The following MFGE8 variants were observed in gnomAD, a reference collection of about 807,000 sequenced individuals.
MFGE8 encodes lactadherin.
A neutral mutation model predicts 42.6 loss-of-function variants in MFGE8; 34 were observed. The ratio of observed to expected loss-of-function variants is 0.80; its 90% CI spans 0.61 to 1.06. MFGE8 has a LOEUF of 1.06. Ranked by LOEUF, MFGE8 falls within the 50% of genes least tolerant of loss-of-function variation. The pLI, the probability that MFGE8 is intolerant of heterozygous loss-of-function variation, is 0.00. For synonymous variants in MFGE8, 230 were observed against 214.8 expected, an observed-to-expected ratio of 1.07 and a Z score of -0.62; for missense variants, 510 against 516.9, an observed-to-expected ratio of 0.99 and a Z score of 0.13.
chr15:88,913,146 C>T (rs1487112680), intron 1 of MFGE8, 101 bp downstream of exon 1: 1 of 1,430,524 alleles, frequency 7.0e-7, no homozygotes, highest in Non-Finnish European at 9.1e-7. Context: ...GGGGCTTTGT[C>T]TAAGTTTGTC....
At position 88,906,723 on chromosome 15, in the gene MFGE8, C is replaced by A. The variant is rs371227978; in HGVS notation, c.443G>T (p.Arg148Leu). 7 of 1,613,764 alleles carry A rather than the reference C, an allele frequency of 4.3e-6. No individual in the cohort carries two copies. The East Asian group carries it at 1.3e-4, about 31-fold the overall frequency. ...VTGVVTQGAS[R>L]LASHEYLKAF... ...CTTCAGGTACTCATGACTGGCCAAG[C>A]GGCTGGCACCCTGCGTCACCACACC... is the stretch of plus-strand genomic sequence containing the variant. Residue 148 changes from arginine (R) to leucine (L), a missense_variant, in exon 4 of 8, where the codon CGC (arginine) becomes CTC (leucine). Transcript: ENST00000268150. This position sits in a 1 kb window ranked among gnomAD's most constrained non-coding sequence, Gnocchi z 4.2.
At chr15:88,901,802 G>A (rs1047457893) in intron 5 of MFGE8, 67 bp from the exon 6 acceptor site, 16 of 1,491,086 alleles carry the variant, frequency 1.1e-5, no homozygotes, top group African/African-American at 2.8e-5. Flanking sequence ...AGCACAAGGC[G>A]ATGAAGCAGA....
rs573947095 is a variant in MFGE8, at chr15:88,903,396, T to C, written c.686-1661A>G. The C allele has an allele frequency of 2.4e-4, 35 of 147,978 alleles. No homozygotes were observed. The highest frequency in any genetic ancestry group is 8.7e-4 in the African/African-American group (34 of 39,122). The allele number at this position is 147,978 out of a possible 1,614,324, so 9.2% of individuals were successfully genotyped here. The stretch of plus-strand genomic sequence containing the variant: ...ATACTAGGGGAGTAATTCTCACAGA[T>C]CACCTGGGGATCTTGATATAAAAAA... On this transcript the variant is annotated intron_variant, in intron 5 of 7. Coordinates refer to ENST00000268150, the MANE Select transcript of MFGE8 (RefSeq NM_005928.4). This position sits in a 1 kb window ranked among gnomAD's most constrained non-coding sequence, Gnocchi z 4.9.
intron 2 of MFGE8, among the ~76,000 whole-genome samples, chr15:88,908,250 T>C (rs1898791838): frequency 6.6e-6 from 1 of 152,164 alleles, no homozygotes; most frequent in South Asian, 2.1e-4. Flanking sequence ...CAGACAGATC[T>C]AGTCTTCCTC....
In MFGE8 at chr15:88,901,720, AG is replaced by A; in HGVS notation, c.700del (p.Leu234TrpfsTer3). ...GCELNGCANP[L>X]GLKNNSIPDK... ...AGGGATGCTGTTATTCTTCAGGCCCAGGGGATTGGCGCATCCTGCCAGCAAG... is the reference window on the plus strand; with the variant it reads ...AGGGATGCTGTTATTCTTCAGGCCCAGGGATTGGCGCATCCTGCCAGCAAG... On this transcript the variant is annotated frameshift_variant, in exon 6 of 8. Coordinates refer to ENST00000268150, the MANE Select transcript of MFGE8 (RefSeq NM_005928.4). LOFTEE classifies it high-confidence loss of function. 1 of 1,613,912 alleles carries A rather than the reference AG, an allele frequency of 6.2e-7. No individual in the cohort carries two copies. The highest frequency in any genetic ancestry group is 8.5e-7 in the Non-Finnish European group (1 of 1,179,964).
intron 1 of MFGE8, 120 bp from the exon 2 acceptor site, chr15:88,910,043 T>C: frequency 8.0e-7 from 1 of 1,246,626 alleles, no homozygotes. Context: ...CATTATCTCT[T>C]CCTCTCCCTC....
Position 88,903,007 on chromosome 15 carries a change from C to G in MFGE8, c.686-1272G>C, listed in dbSNP as rs1898503987. The G allele has an allele frequency of 6.6e-6, 1 of 152,212 alleles. No homozygotes were observed. Among genetic ancestry groups the G allele is most frequent in the Non-Finnish European group, 1.5e-5 (1 of 68,056 alleles). 9.4% of individuals were successfully genotyped at this position (152,212 alleles called of 1,614,324 possible). ...GTGTTGACAATGCCTGCTGATGGTA[C>G]CATCATCTCCTGATGGTGATGCACC... On this transcript the variant is annotated intron_variant, in intron 5 of 7. Transcript: ENST00000268150. This position sits in a 1 kb window ranked among gnomAD's most constrained non-coding sequence, Gnocchi z 4.9.
Position 88,899,595 on chromosome 15 carries a change from C to A in MFGE8, c.1026+61G>T. On this transcript the variant is annotated intron_variant, in intron 7 of 7. Transcript: ENST00000268150. This position sits in a 1 kb window ranked among gnomAD's most constrained non-coding sequence, Gnocchi z 6.8. ...GCCCCCCTCCCCTCAGAGCCCCAGG[C>A]CAGACTCCCAGGGAAGTAATGAAGG... The A allele has an allele frequency of 6.2e-7, 1 of 1,614,140 alleles. No homozygotes were observed. The highest frequency in any genetic ancestry group is 1.1e-5 in the South Asian group (1 of 91,080).
rs754854442 is a variant in MFGE8, at chr15:88,909,925, T to A, written c.74-2A>T. 3.1e-6 allele frequency: 5 copies of A among 1,613,972 alleles called. No individual in the cohort carries two copies. The East Asian group carries it at 8.9e-5, about 29-fold the overall frequency. ...GGCAGGGGTTTTTGGAACAGATATC[T>A]GGGGACAGAGACAGGTAAGATGAGC... On this transcript the variant is annotated splice_acceptor_variant, in intron 1 of 7. Coordinates refer to ENST00000268150, the MANE Select transcript of MFGE8 (RefSeq NM_005928.4). LOFTEE classifies it high-confidence loss of function.
chr15:88,906,052 C>A lies in MFGE8; in HGVS notation c.541-151G>T. 1.1e-6 allele frequency: 1 copy of A among 878,056 alleles called. No individual in the cohort carries two copies. Among genetic ancestry groups the A allele is most frequent in the Non-Finnish European group, 1.8e-6 (1 of 549,154 alleles). The allele number at this position is 878,056 out of a possible 1,614,324, so 54.4% of individuals were successfully genotyped here. ...GAAGAGCCAGCAGAGGCTCACACAGCAGCCTCTCCTTTGGCCACCCCACGG... is the reference window on the plus strand; with the variant it reads ...GAAGAGCCAGCAGAGGCTCACACAGAAGCCTCTCCTTTGGCCACCCCACGG... On this transcript the variant is annotated intron_variant, in intron 4 of 7. Transcript: ENST00000268150. The surrounding 1 kb of genome is among the most constrained non-coding windows in gnomAD (Gnocchi z 4.2).
chr15:88,909,553 C>T (rs9783684), intron 2 of MFGE8, among the ~76,000 whole-genome samples: 4,987 of 152,284 alleles, frequency 0.033, 294 homozygotes, highest in African/African-American at 0.11. Flanking sequence ...CAGGCCTGGC[C>T]GGCAGTCTCA....
chr15:88,902,147 GCCT>G lies in MFGE8; in HGVS notation c.686-415_686-413del. ...TCACAGCACTGCCCCCATCGCCTCG[GCCT>G]CCCATCCGTCCCATGGCACAGTCAC... On this transcript the variant is annotated intron_variant, in intron 5 of 7. Coordinates refer to ENST00000268150, the MANE Select transcript of MFGE8 (RefSeq NM_005928.4). This position sits in a 1 kb window ranked among gnomAD's most constrained non-coding sequence, Gnocchi z 4.3. 2 of 235,864 alleles carry G rather than the reference GCCT, an allele frequency of 8.5e-6. No individual in the cohort carries two copies. Among genetic ancestry groups the G allele is most frequent in the Non-Finnish European group, 1.7e-5 (2 of 117,156 alleles). The allele number at this position is 235,864 out of a possible 1,614,324, so 14.6% of individuals were successfully genotyped here. A position where few individuals can be genotyped will look rare whatever the true frequency, so the allele number is the denominator to read the frequency against.
At chr15:88,901,484 C>G (rs1898426632) in intron 6 of MFGE8, 67 bp downstream of exon 6, 1 of 1,515,358 alleles carries the variant, frequency 6.6e-7, no homozygotes, top group Non-Finnish European at 9.1e-7. Flanking sequence ...GGAGAGAGGT[C>G]AAAGATCTGG....
rs766476352 is a variant in MFGE8 at position 88,899,705 on chromosome 15, T to A, written c.977A>T (p.Asp326Val). 6.2e-7 allele frequency: 1 copy of A among 1,614,032 alleles called. No individual in the cohort carries two copies. Among genetic ancestry groups the A allele is most frequent in the South Asian group, 1.1e-5 (1 of 91,088 alleles). The change falls in exon 7 of 8, where the codon GAC becomes GTC. Residue 326 changes from aspartate (D) to valine (V), a missense_variant. Coordinates refer to ENST00000268150, the MANE Select transcript of MFGE8 (RefSeq NM_005928.4). The surrounding 1 kb of genome is among the most constrained non-coding windows in gnomAD (Gnocchi z 6.8). ...VASYKVAYSN[D>V]SANWTEYQDP... ...CTGGTACTCAGTCCAGTTCGCACTG[T>A]CATTACTGTAGGCAACCTTGTAGGA...
At chr15:88,908,125 T>C (rs1898786332) in intron 2 of MFGE8, among the ~76,000 whole-genome samples, 1 of 152,144 alleles carries the variant, frequency 6.6e-6, no homozygotes, top group South Asian at 2.1e-4. Flanking sequence ...TCCAGCAGTG[T>C]GGTCCCAGGA....
rs1898724280 is a variant in MFGE8, at chr15:88,907,184, C to T, written c.387+11G>A. 1.9e-6 allele frequency: 3 copies of T among 1,610,958 alleles called. No individual in the cohort carries two copies. The highest frequency in any genetic ancestry group is 2.2e-5 in the East Asian group (1 of 44,754). On this transcript the variant is annotated intron_variant, in intron 3 of 7. Coordinates refer to ENST00000268150, the MANE Select transcript of MFGE8 (RefSeq NM_005928.4). ...TCCATTGCCCCGCCCCAGGGCCATC[C>T]CCAGGCATACCTGGATCCAGGGGTT...
intron 1 of MFGE8, chr15:88,912,764 A>T (rs539235167): frequency 1.0e-6 from 1 of 985,288 alleles, no homozygotes; most frequent in Non-Finnish European, 1.2e-6. Flanking sequence ...CCCTTATGTG[A>T]CCAGGCACGG....
Position 88,905,637 on chromosome 15 carries a change from G to A in MFGE8, c.685+120C>T. 7.2e-7 allele frequency: 1 copy of A among 1,381,644 alleles called. No homozygotes were observed. Among genetic ancestry groups the A allele is most frequent in the East Asian group, 2.3e-5 (1 of 42,974 alleles). 85.6% of individuals were successfully genotyped at this position (1,381,644 alleles called of 1,614,324 possible). A position where few individuals can be genotyped will look rare whatever the true frequency, so the allele number is the denominator to read the frequency against. The stretch of plus-strand genomic sequence containing the variant: ...AGAGTGCGTTGCCCGAGTGAAGCCT[G>A]GTCCCCGTGCCTTGTTGCTGCCCTA... On this transcript the variant is annotated intron_variant, in intron 5 of 7. Coordinates refer to ENST00000268150, the MANE Select transcript of MFGE8 (RefSeq NM_005928.4). This position sits in a 1 kb window ranked among gnomAD's most constrained non-coding sequence, Gnocchi z 6.6.
In MFGE8 at chr15:88,898,820, G is replaced by T. The variant is rs115586162; in HGVS notation, c.*575C>A. The T allele has an allele frequency of 2.5e-3, 420 of 169,774 alleles. 1 individual carries two copies. The highest frequency in any genetic ancestry group is 9.8e-3 in the African/African-American group (412 of 41,944). The allele number at this position is 169,774 out of a possible 1,614,324, so 10.5% of individuals were successfully genotyped here. A position where few individuals can be genotyped will look rare whatever the true frequency, so the allele number is the denominator to read the frequency against. On this transcript the variant is annotated 3_prime_UTR_variant, in exon 8 of 8. Transcript: ENST00000268150. ...TCGCTCCCTTTCTCCCCATAGACCC[G>T]CCCCACCCCCTTCTGTGTCGCTGGG...
Sources: allele counts gnomAD v4.1 joint callset (sites outside exome capture counted in the v4.1 genomes callset), GRCh38; gene constraint gnomAD v4.1.1; non-coding constraint Gnocchi (gnomAD v3.1); transcripts MANE v1.5; gene names NCBI Gene and HGNC (gene_info 2026-07-23, HGNC 2026-07-21).